The following ZNF665 variants were observed in gnomAD, a reference collection of about 807,000 sequenced individuals.
ZNF665 encodes zinc finger protein 665.
Under a neutral mutation model 7.9 loss-of-function variants are expected in ZNF665, and 6 were observed. That is an observed-to-expected ratio of 0.76 (90% CI 0.42 to 1.50). The LOEUF (loss-of-function observed/expected upper bound fraction) is 1.50, where lower values mean the gene tolerates loss of function less well. Among genes scored for constraint, ZNF665 ranks in the 40% most tolerant of loss-of-function variants. ZNF665 has a pLI of 0.01. For missense variants in ZNF665, 819 were observed against 806.7 expected, an observed-to-expected ratio of 1.02 and a Z score of -0.18; for synonymous variants, 242 against 274.5, an observed-to-expected ratio of 0.88 and a Z score of 1.17.
chr19:53,167,910 G>A (rs571447375), intron 3 of ZNF665, among the ~76,000 whole-genome samples: 80 of 149,394 alleles, frequency 5.4e-4, no homozygotes, highest in South Asian at 3.6e-3. Context: ...CAAAAAATTC[G>A]CCATGCGTTG....
chr19:53,166,453 C>G (rs1202987929), intron 3 of ZNF665, 106 bp from the exon 4 acceptor site: 16 of 1,045,260 alleles, frequency 1.5e-5, no homozygotes, highest in Non-Finnish European at 2.2e-5. Context: ...TTATGTTGAA[C>G]AGACTTACGA....
chr19:53,164,515 A>G lies in ZNF665; in HGVS notation c.1975T>C (p.Cys659Arg). ...GAATTTTGAGTAAAGACCTTGCCACATTGGTTACATTTGTAAGGTTTGTCT... is the reference window on the plus strand; with the variant it reads ...GAATTTTGAGTAAAGACCTTGCCACGTTGGTTACATTTGTAAGGTTTGTCT... ...TGDKPYKCNQ[C>R]GKVFTQNSNL... Residue 659 changes from cysteine (C) to arginine (R), a missense_variant, in exon 4 of 4, where the codon TGT becomes CGT. Physicochemically the swap from Cys to Arg is radical, Grantham distance 180. Transcript: ENST00000396424. 6.2e-7 allele frequency: 1 copy of G among 1,611,466 alleles called. No homozygotes were observed. The highest frequency in any genetic ancestry group is 8.5e-7 in the Non-Finnish European group (1 of 1,179,058).
chr19:53,164,204 T>A lies in ZNF665; in HGVS notation c.*249A>T. The A allele has an allele frequency of 3.6e-6, 1 of 280,172 alleles. No individual in the cohort carries two copies. The highest frequency in any genetic ancestry group is 6.6e-6 in the Non-Finnish European group (1 of 151,412). The allele number at this position is 280,172 out of a possible 1,614,324, so 17.4% of individuals were successfully genotyped here. On this transcript the variant is annotated 3_prime_UTR_variant, in exon 4 of 4. Transcript: ENST00000396424. ...CCCAGGCTGGAGTGCAATGGCATGATCTCGCTCACTGCAACCTCCGCCTCC... is the reference window on the plus strand; with the variant it reads ...CCCAGGCTGGAGTGCAATGGCATGAACTCGCTCACTGCAACCTCCGCCTCC...
chr19:53,182,259 T>C (rs2090743454), intron 2 of ZNF665: 1 of 163,538 alleles, frequency 6.1e-6, no homozygotes, highest in Non-Finnish European at 1.3e-5. Context: ...TAGTCCCAGC[T>C]ACGCAGGGGG....
chr19:53,189,090 T>C (rs541497278), intron 1 of ZNF665, among the ~76,000 whole-genome samples: 6 of 151,708 alleles, frequency 4.0e-5, no homozygotes, highest in South Asian at 4.2e-4. Flanking sequence ...TGTGTGTGAA[T>C]AGACAAGACC....
intron 3 of ZNF665, among the ~76,000 whole-genome samples, chr19:53,175,033 G>C (rs1218149070): frequency 6.6e-6 from 1 of 151,460 alleles, no homozygotes; most frequent in Middle Eastern, 3.2e-3. Context: ...GTACCCTTAG[G>C]TTTACATGAG....
intron 2 of ZNF665, among the ~76,000 whole-genome samples, chr19:53,177,032 T>C (rs1244833286): frequency 1.3e-5 from 2 of 152,050 alleles, no homozygotes; most frequent in African/African-American, 4.8e-5. Flanking sequence ...AGCCGGAGAA[T>C]CATTTGAAGC....
chr19:53,174,530 C>T lies in ZNF665; in HGVS notation c.142+915G>A, dbSNP rs2090681819. Among the ~76,000 whole-genome samples the T allele has an allele frequency of 2.0e-5, 3 of 152,142 alleles. No individual in the cohort carries two copies. In the South Asian group the frequency reaches 6.2e-4, roughly 32 times the overall value. ...CCATCTGAACTCTGACCTGTGATCC[C>T]ACCTCTGATCCACTCCCAGTTTCTA... On this transcript the variant is annotated intron_variant, in intron 3 of 3. Coordinates refer to ENST00000396424, the MANE Select transcript of ZNF665 (RefSeq NM_024733.5).
At chr19:53,185,836 A>G (rs1599885744) in intron 1 of ZNF665, among the ~76,000 whole-genome samples, 1 of 152,166 alleles carries the variant, frequency 6.6e-6, no homozygotes, top group Non-Finnish European at 1.5e-5. Flanking sequence ...AAAAAAAAGG[A>G]ACACAAAGAA....
chr19:53,167,685 A>G (rs1599871948), intron 3 of ZNF665, among the ~76,000 whole-genome samples: 1 of 146,852 alleles, frequency 6.8e-6, no homozygotes, highest in East Asian at 2.2e-4. Context: ...TGACCTCGTG[A>G]TCCACCCACC....
intron 1 of ZNF665, among the ~76,000 whole-genome samples, chr19:53,190,522 T>C (rs1398860304): frequency 6.6e-6 from 1 of 151,776 alleles, no homozygotes; most frequent in Non-Finnish European, 1.5e-5. Flanking sequence ...TGCTACATGC[T>C]ACTAGTAGCT....
intron 2 of ZNF665, 65 bp downstream of exon 2, chr19:53,182,819 A>C: frequency 1.2e-6 from 2 of 1,611,490 alleles, no homozygotes; most frequent in South Asian, 2.2e-5. Flanking sequence ...GAAGATTCCC[A>C]ACTCCAAGGT....
chr19:53,192,178 C>T (rs2090822052), intron 1 of ZNF665, among the ~76,000 whole-genome samples: 2 of 151,936 alleles, frequency 1.3e-5, no homozygotes, highest in African/African-American at 2.4e-5. Context: ...TTTGGTTGTC[C>T]CCAATCTCCA....
intron 1 of ZNF665, among the ~76,000 whole-genome samples, chr19:53,191,277 C>T (rs1044122413): frequency 2.1e-4 from 32 of 152,210 alleles, no homozygotes; most frequent in African/African-American, 7.2e-4. Flanking sequence ...CTTTGTTGAG[C>T]GTTCATTACT....
At position 53,192,876 on chromosome 19, in the gene ZNF665, G is replaced by C. The variant is rs528301973; in HGVS notation, c.-46+436C>G. On this transcript the variant is annotated intron_variant, in intron 1 of 3. Coordinates refer to ENST00000396424, the MANE Select transcript of ZNF665 (RefSeq NM_024733.5). ...CACGAGGAGGAGGGAGGTGGGGGGC[G>C]ACGGCGCCTTAGGAGAGGGGTGGGG... is the stretch of plus-strand genomic sequence containing the variant. 1.9e-3 allele frequency among the ~76,000 whole-genome samples: 294 copies of C among 152,182 alleles called. 1 individual carries two copies. The highest frequency in any genetic ancestry group is 3.3e-3 in the Non-Finnish European group (222 of 68,010).
At chr19:53,188,734 G>A (rs11879515) in intron 1 of ZNF665, among the ~76,000 whole-genome samples, 457 of 12,042 alleles carry the variant, frequency 0.038, 148 homozygotes, top group East Asian at 0.099. Context: ...GTCTAGCTGT[G>A]TCACCCAGGC....
At chr19:53,183,130 C>A (rs1489071350) in intron 1 of ZNF665, among the ~76,000 whole-genome samples, 187 bp from the exon 2 acceptor site, 2 of 152,146 alleles carry the variant, frequency 1.3e-5, no homozygotes, top group African/African-American at 4.8e-5. Flanking sequence ...GAAACTCCTA[C>A]AGGAAAAACA....
chr19:53,184,959 T>C (rs892087650), intron 1 of ZNF665, among the ~76,000 whole-genome samples: 1 of 152,172 alleles, frequency 6.6e-6, no homozygotes, highest in African/African-American at 2.4e-5. Context: ...GCTTACACTA[T>C]TATTTCTGCT....
rs2090580866 is a variant in ZNF665, at chr19:53,163,736, G to A, written c.*717C>T. On this transcript the variant is annotated 3_prime_UTR_variant, in exon 4 of 4. Transcript: ENST00000396424. ...CCAAACATCCTACAACCTTTGATAT[G>A]TATCATGTAATGAGTTTTAACACAT... 1 of 152,130 alleles carries A rather than the reference G, an allele frequency of 6.6e-6. No individual in the cohort carries two copies. The highest frequency in any genetic ancestry group is 2.4e-5 in the African/African-American group (1 of 41,430). The allele number at this position is 152,130 out of a possible 1,614,324, so 9.4% of individuals were successfully genotyped here.
Sources: allele counts gnomAD v4.1 joint callset (sites outside exome capture counted in the v4.1 genomes callset), GRCh38; gene constraint gnomAD v4.1.1; transcripts MANE v1.5; gene names NCBI Gene and HGNC (gene_info 2026-07-23, HGNC 2026-07-21).